EEPD1: variants seen among roughly 807,000 people sequenced by gnomAD.
EEPD1 encodes the protein endonuclease/exonuclease/phosphatase family domain-containing protein 1.
Under a neutral mutation model 46.3 loss-of-function variants are expected in EEPD1, and 17 were observed. The ratio of observed to expected loss-of-function variants is 0.37; its 90% CI spans 0.25 to 0.55. The LOEUF (loss-of-function observed/expected upper bound fraction) is 0.55. Ranked by LOEUF, EEPD1 falls within the 20% of genes least tolerant of loss-of-function variation. EEPD1 has a pLI of 0.83. For synonymous variants in EEPD1, 313 were observed against 315.6 expected (o/e 0.99, Z 0.09); for missense variants, 673 against 745.6 (o/e 0.90, Z 1.13).
At chr7:36,191,470 C>G (rs1785460171) in intron 2 of EEPD1, among the ~76,000 whole-genome samples, 1 of 152,214 alleles carries the variant, frequency 6.6e-6, no homozygotes, top group African/African-American at 2.4e-5. Flanking sequence ...GTGGTAGACT[C>G]TGGAACCACC....
At position 36,247,029 on chromosome 7, in the gene EEPD1, G is replaced by A. The variant is rs557988076; in HGVS notation, c.930+7993G>A. On this transcript the variant is annotated intron_variant, in intron 3 of 7. Transcript: ENST00000242108. ...TAATTCCAGCTACTCGGGAGGCTGA[G>A]GCAGAATTGCTTGATCCTGGGAGGC... is the stretch of plus-strand genomic sequence containing the variant. Among the ~76,000 whole-genome samples the A allele has an allele frequency of 6.6e-5, 10 of 151,506 alleles. No individual in the cohort carries two copies. The East Asian group carries it at 1.9e-3, about 29-fold the overall frequency.
chr7:36,244,842 G>A (rs1786611117), intron 3 of EEPD1, among the ~76,000 whole-genome samples: 4 of 147,156 alleles, frequency 2.7e-5, no homozygotes, highest in African/African-American at 5.1e-5. Flanking sequence ...GTGTGATCTC[G>A]GCTCACTGCA....
At position 36,211,269 on chromosome 7, in the gene EEPD1, A is replaced by G. The variant is rs149212590; in HGVS notation, c.879-27716A>G. ...GAATAGCATGATAGTAAAACATGCT[A>G]TACATGCGCAGTGTTAAAATAGCAA... On this transcript the variant is annotated intron_variant, in intron 2 of 7. Transcript: ENST00000242108. Among the ~76,000 whole-genome samples the G allele has an allele frequency of 1.4e-4, 21 of 152,354 alleles. No homozygotes were observed. The East Asian group carries it at 4.0e-3, about 29-fold the overall frequency.
rs1435106741 is a variant in EEPD1, at chr7:36,154,632, AG to A, written c.311del (p.Gly104AlafsTer16). 1.9e-6 allele frequency: 3 copies of A among 1,613,932 alleles called. No individual in the cohort carries two copies. The highest frequency in any genetic ancestry group is 2.5e-6 in the Non-Finnish European group (3 of 1,179,990). On this transcript the variant is annotated frameshift_variant, in exon 2 of 8. Coordinates refer to ENST00000242108, the MANE Select transcript of EEPD1 (RefSeq NM_030636.3). LOFTEE classifies it high-confidence loss of function. This position sits in a 1 kb window ranked among gnomAD's most constrained non-coding sequence, Gnocchi z 4.2. ...QVKFEICVSS[K>X]GSSAQHSPSS... Reference sequence around the variant, plus strand: ...AAGTTTGAGATCTGTGTGAGCAGCAAGGGCAGCTCAGCGCAGCACTCTCCCA... The same window carrying A: ...AAGTTTGAGATCTGTGTGAGCAGCAAGGCAGCTCAGCGCAGCACTCTCCCA...
chr7:36,174,361 GC>G (rs1432475821), intron 2 of EEPD1, among the ~76,000 whole-genome samples: 2 of 152,202 alleles, frequency 1.3e-5, no homozygotes, highest in African/African-American at 4.8e-5. Flanking sequence ...AGGCAAGGAA[GC>G]CTTTCATTAA....
In EEPD1 at chr7:36,299,615, C is replaced by T. The variant is rs144098642; in HGVS notation, c.*409C>T. ...CTCATTTCTGACCACCAGGCTATGA[C>T]GTTCCTGCTGCGCATTACAGAAAGC... On this transcript the variant is annotated 3_prime_UTR_variant, in exon 8 of 8. Coordinates refer to ENST00000242108, the MANE Select transcript of EEPD1 (RefSeq NM_030636.3). 13 of 212,570 alleles carry T rather than the reference C, an allele frequency of 6.1e-5. No homozygotes were observed. Among genetic ancestry groups the T allele is most frequent in the Non-Finnish European group, 1.1e-4 (12 of 105,130 alleles). 13.2% of individuals were successfully genotyped at this position (212,570 alleles called of 1,614,324 possible).
chr7:36,165,577 G>A (rs984546809), intron 2 of EEPD1, among the ~76,000 whole-genome samples: 10 of 84,752 alleles, frequency 1.2e-4, no homozygotes, highest in East Asian at 5.0e-4. Flanking sequence ...CTGCCACCAC[G>A]CCCCAGCTAA....
intron 2 of EEPD1, among the ~76,000 whole-genome samples, chr7:36,156,606 A>T (rs1221743697): frequency 6.6e-6 from 1 of 152,160 alleles, no homozygotes; most frequent in African/African-American, 2.4e-5. Context: ...CTAGTGGCTC[A>T]ATTTGGGAGG....
At chr7:36,285,062 G>C (rs568335940) in intron 5 of EEPD1, among the ~76,000 whole-genome samples, 2 of 152,286 alleles carry the variant, frequency 1.3e-5, no homozygotes, top group East Asian at 1.9e-4. Flanking sequence ...GGAGAGGGGG[G>C]AAGGAGGGAG....
At chr7:36,292,129 G>C (rs957933512) in intron 6 of EEPD1, among the ~76,000 whole-genome samples, 6 of 152,134 alleles carry the variant, frequency 3.9e-5, no homozygotes, top group African/African-American at 1.4e-4. Flanking sequence ...GATCAGGAAG[G>C]GGGCCCACGC....
chr7:36,219,273 G>A (rs1426348398), intron 2 of EEPD1, among the ~76,000 whole-genome samples: 6 of 151,514 alleles, frequency 4.0e-5, no homozygotes, highest in Admixed American at 6.6e-5. Context: ...AAATTTAAAC[G>A]TTAGGAACAA....
At chr7:36,292,002 T>C (rs1787449278) in intron 6 of EEPD1, among the ~76,000 whole-genome samples, 1 of 152,216 alleles carries the variant, frequency 6.6e-6, no homozygotes, top group South Asian at 2.1e-4. Flanking sequence ...CTAAAATGCT[T>C]TAGGAGAAAA....
chr7:36,255,414 T>G (rs1435872203), intron 3 of EEPD1, among the ~76,000 whole-genome samples: 1 of 152,224 alleles, frequency 6.6e-6, no homozygotes, highest in Non-Finnish European at 1.5e-5. Flanking sequence ...CCATTGGTTG[T>G]TTTTGTCAGG....
At chr7:36,298,970 T>C (rs1381788072) in intron 7 of EEPD1, 37 bp from the exon 8 acceptor site, 1 of 1,605,382 alleles carries the variant, frequency 6.2e-7, no homozygotes, top group African/African-American at 1.3e-5. Context: ...CAACCCCCCA[T>C]CCTGATTCCC....
At chr7:36,218,352 A>G (rs1349812153) in intron 2 of EEPD1, among the ~76,000 whole-genome samples, 1 of 151,954 alleles carries the variant, frequency 6.6e-6, no homozygotes, top group Non-Finnish European at 1.5e-5. Context: ...CAATAATAAT[A>G]AAATAGAAAA....
intron 6 of EEPD1, among the ~76,000 whole-genome samples, chr7:36,293,895 C>T (rs778952467): frequency 2.4e-4 from 37 of 151,634 alleles, no homozygotes; most frequent in Non-Finnish European, 3.5e-4. Context: ...ACCCGGGAGG[C>T]GGAAGCTGTA....
intron 6 of EEPD1, among the ~76,000 whole-genome samples, chr7:36,291,006 G>A (rs113127125): frequency 2.8e-4 from 43 of 152,288 alleles, no homozygotes; most frequent in Non-Finnish European, 5.6e-4. Flanking sequence ...TAAGAAATCC[G>A]ATGTGCTCAT....
rs988094811 is a variant in EEPD1 at position 36,225,410 on chromosome 7, G to C, written c.879-13575G>C. On this transcript the variant is annotated intron_variant, in intron 2 of 7. Coordinates refer to ENST00000242108, the MANE Select transcript of EEPD1 (RefSeq NM_030636.3). The surrounding 1 kb of genome is among the most constrained non-coding windows in gnomAD (Gnocchi z 4.2). ...AAATCAGTGATCCGTCATCCAAACT[G>C]TGATGGAAGGAAACCCCGTGCTCAC... 2.0e-5 allele frequency among the ~76,000 whole-genome samples: 3 copies of C among 152,184 alleles called. No homozygotes were observed. Among genetic ancestry groups the C allele is most frequent in the African/African-American group, 4.8e-5 (2 of 41,454 alleles).
intron 3 of EEPD1, among the ~76,000 whole-genome samples, chr7:36,244,739 G>A (rs548237854): frequency 4.0e-5 from 6 of 149,712 alleles, no homozygotes; most frequent in East Asian, 3.9e-4. Context: ...CCCACTCTTC[G>A]ATACCTGGGC....
Sources: allele counts gnomAD v4.1 joint callset (sites outside exome capture counted in the v4.1 genomes callset), GRCh38; gene constraint gnomAD v4.1.1; non-coding constraint Gnocchi (gnomAD v3.1); transcripts MANE v1.5; gene names NCBI Gene and HGNC (gene_info 2026-07-23, HGNC 2026-07-21).